The following FRY variants were observed in gnomAD, a reference collection of about 807,000 sequenced individuals.
FRY encodes the protein FRY microtubule binding protein.
FRY carries 128 observed loss-of-function variants against 348.4 expected under a neutral mutation model. That is an observed-to-expected ratio of 0.37 (90% CI 0.32 to 0.43). The LOEUF is 0.43. FRY is among the 20% of genes least tolerant of loss of function. FRY has a pLI of 1.00. For missense variants in FRY, 2,736 were observed against 3,695.2 expected, an observed-to-expected ratio of 0.74 and a Z score of 6.73; for synonymous variants, 1,370 against 1,374.7, an observed-to-expected ratio of 1.00 and a Z score of 0.08.
intron 14 of FRY, 140 bp from the exon 15 acceptor site, chr13:32,155,351 C>A: frequency 1.4e-6 from 1 of 706,392 alleles, no homozygotes; most frequent in Non-Finnish European, 2.5e-6. Context: ...TAAGATTGCT[C>A]TACACTCTTG....
In FRY at chr13:32,149,804, AC is replaced by A; in HGVS notation, c.1451del (p.Pro484GlnfsTer12). 1 of 1,610,532 alleles carries A rather than the reference AC, an allele frequency of 6.2e-7. No homozygotes were observed. Among genetic ancestry groups the A allele is most frequent in the Non-Finnish European group, 8.5e-7 (1 of 1,176,726 alleles). On this transcript the variant is annotated frameshift_variant, in exon 14 of 61. Transcript: ENST00000542859. LOFTEE classifies it high-confidence loss of function. The stretch of plus-strand genomic sequence containing the variant: ...TTTTCGATTTTCTTTGTGTGGGAAA[AC>A]CAGCAAAAGCATTCAGTCTCAACCC... ...IIFDFLCVGK[P>X]AKAFSLNPER... is the part of the protein sequence containing the mutation.
intron 1 of FRY, 111 bp downstream of exon 1, chr13:32,031,976 C>CT (rs1232144826): frequency 1.4e-5 from 9 of 639,100 alleles, no homozygotes; most frequent in Admixed American, 3.1e-5. Flanking sequence ...GGAAGTTTTT[C>CT]TTTTTTTCTT....
rs776765663 is a variant in FRY, at chr13:32,239,910, C to T, written c.6687+29C>T. On this transcript the variant is annotated intron_variant, in intron 46 of 60. Transcript: ENST00000542859. The surrounding 1 kb of genome is among the most constrained non-coding windows in gnomAD (Gnocchi z 4.3). Reference sequence around the variant, plus strand: ...AGCTTTTTTTTTTTGTTTTTTGAGACAGGGTCTCATTATGTTGCCCAGGCT... The same window carrying T: ...AGCTTTTTTTTTTTGTTTTTTGAGATAGGGTCTCATTATGTTGCCCAGGCT... 6.3e-7 allele frequency: 1 copy of T among 1,595,056 alleles called. No individual in the cohort carries two copies. Among genetic ancestry groups the T allele is most frequent in the South Asian group, 1.1e-5 (1 of 90,208 alleles).
At chr13:32,162,778 C>T (rs1458880275) in intron 17 of FRY, among the ~76,000 whole-genome samples, 1 of 152,154 alleles carries the variant, frequency 6.6e-6, no homozygotes, top group Non-Finnish European at 1.5e-5. Context: ...GCCTTCCAGC[C>T]GTGGATCCTT....
chr13:32,202,946 C>CAA (rs11354597), intron 31 of FRY, among the ~76,000 whole-genome samples: 3 of 136,456 alleles, frequency 2.2e-5, no homozygotes, highest in East Asian at 2.2e-4. Context: ...GAGACAGTCT[C>CAA]AAAAAAAAAA....
chr13:32,238,038 T>A, intron 44 of FRY, 52 bp downstream of exon 44: 1 of 1,593,310 alleles, frequency 6.3e-7, no homozygotes, highest in Non-Finnish European at 8.6e-7. Flanking sequence ...ACTGTGTTCA[T>A]CATTTGGTAC....
chr13:32,136,796 T>C, intron 10 of FRY, 75 bp from the exon 11 acceptor site: 1 of 897,808 alleles, frequency 1.1e-6, no homozygotes, highest in Admixed American at 1.7e-5. Flanking sequence ...GGCAAGGTAG[T>C]GGGTACAGAG....
intron 32 of FRY, 124 bp downstream of exon 32, chr13:32,209,233 G>C: frequency 9.2e-7 from 1 of 1,089,096 alleles, no homozygotes; most frequent in Non-Finnish European, 1.4e-6. Flanking sequence ...ATAAATAGTG[G>C]TGATGGTTGC....
intron 35 of FRY, among the ~76,000 whole-genome samples, chr13:32,214,007 T>C (rs1404363583): frequency 6.6e-6 from 1 of 152,260 alleles, no homozygotes; most frequent in Non-Finnish European, 1.5e-5. Flanking sequence ...ACATGTCAGA[T>C]TCTTTTATAC....
At chr13:32,292,219 G>A (rs1353783878) in intron 59 of FRY, among the ~76,000 whole-genome samples, 1 of 152,050 alleles carries the variant, frequency 6.6e-6, no homozygotes, top group Non-Finnish European at 1.5e-5. Flanking sequence ...CTGACCTCAA[G>A]TGATCCACCC....
In FRY at chr13:32,209,720, C is replaced by T; in HGVS notation, c.4411C>T (p.Leu1471Phe). ...SLCGVSSDTV[L>F]LPYIKKVAIY... ...CTGTGGGGTCAGCAGCGACACAGTT[C>T]TCCTACCCTATGTAAGTGTCTCTCA... The change falls in exon 33 of 61, where the codon CTC (leucine) becomes TTC (phenylalanine). Residue 1471 changes from leucine to phenylalanine, a missense_variant. Leu to Phe is a conservative substitution (Grantham distance 22). Around this residue, in one of 9 missense-constraint regions of FRY, gnomAD observed 794 missense variants for 977.0 expected, o/e 0.81. Transcript: ENST00000542859. 1 of 1,614,016 alleles carries T rather than the reference C, an allele frequency of 6.2e-7. No individual in the cohort carries two copies. The highest frequency in any genetic ancestry group is 2.2e-5 in the East Asian group (1 of 44,902).
At chr13:32,075,879 G>A (rs1875017160) in intron 1 of FRY, among the ~76,000 whole-genome samples, 1 of 152,200 alleles carries the variant, frequency 6.6e-6, no homozygotes. Flanking sequence ...ACCCCACCTT[G>A]AATCATTTTC....
chr13:32,060,349 T>G (rs1189216788), intron 1 of FRY, among the ~76,000 whole-genome samples: 2 of 152,262 alleles, frequency 1.3e-5, no homozygotes, highest in Admixed American at 1.3e-4. Context: ...AAATGAAGTT[T>G]TTAACAAGTC....
intron 7 of FRY, among the ~76,000 whole-genome samples, chr13:32,125,093 G>A (rs545488522): frequency 6.6e-6 from 1 of 152,166 alleles, no homozygotes; most frequent in Non-Finnish European, 1.5e-5. Context: ...TAGAGTCCAT[G>A]GGTTTCATAC....
At chr13:32,135,594 AGGAGTT>A (rs1879665823) in intron 10 of FRY, among the ~76,000 whole-genome samples, 1 of 152,212 alleles carries the variant, frequency 6.6e-6, no homozygotes, top group Admixed American at 6.5e-5. Context: ...AGGCAGGAAA[AGGAGTT>A]GGGAAATAGA....
chr13:32,279,181 A>G (rs1234384475), intron 58 of FRY, among the ~76,000 whole-genome samples: 18 of 152,220 alleles, frequency 1.2e-4, no homozygotes, highest in Admixed American at 1.2e-3. Context: ...TGCAACAAGG[A>G]CCATCAAGGA....
intron 1 of FRY, among the ~76,000 whole-genome samples, chr13:32,047,794 A>G (rs7327550): frequency 0.015 from 2,296 of 152,202 alleles, 56 homozygotes; most frequent in African/African-American, 0.053. Context: ...GCTGGTCTCG[A>G]GCTCCTGACC....
At chr13:32,157,541 C>A in intron 16 of FRY, 136 bp downstream of exon 16, 1 of 747,816 alleles carries the variant, frequency 1.3e-6, no homozygotes, top group Non-Finnish European at 2.2e-6. Flanking sequence ...AAAAAAAAAC[C>A]TTCACAGTAT....
At chr13:32,220,908 G>T (rs1170551090) in intron 36 of FRY, among the ~76,000 whole-genome samples, 1 of 152,182 alleles carries the variant, frequency 6.6e-6, no homozygotes, top group African/African-American at 2.4e-5. Context: ...TAAGTTACTT[G>T]TAGGTAATTT....
Sources: allele counts gnomAD v4.1 joint callset (sites outside exome capture counted in the v4.1 genomes callset), GRCh38; gene constraint gnomAD v4.1.1; regional missense constraint gnomAD v4.1.1; non-coding constraint Gnocchi (gnomAD v3.1); transcripts MANE v1.5; gene names NCBI Gene and HGNC (gene_info 2026-07-23, HGNC 2026-07-21).